The following DIPK1A variants were observed in gnomAD, a reference collection of about 807,000 sequenced individuals.
The protein encoded by DIPK1A is family with sequence similarity 69 member A.
A neutral mutation model predicts 40.8 loss-of-function variants in DIPK1A; 27 were observed. The observed-to-expected ratio is 0.66, with a 90% CI of 0.49 to 0.91. The LOEUF (loss-of-function observed/expected upper bound fraction) is 0.91. DIPK1A is among the 40% of genes least tolerant of loss of function. DIPK1A has a pLI of 0.00. For synonymous variants in DIPK1A, 166 were observed against 171.3 expected (o/e 0.97, Z 0.24); for missense variants, 412 against 505.7 (o/e 0.81, Z 1.78).
chr1:92,959,448 CT>C (rs1012376544), intron 1 of DIPK1A, among the ~76,000 whole-genome samples: 2,642 of 115,456 alleles, frequency 0.023, 24 homozygotes, highest in African/African-American at 0.064. Flanking sequence ...CAGTAAAACA[CT>C]TTTTTTTTTT....
At chr1:92,859,946 C>T (rs539363542) in intron 2 of DIPK1A, among the ~76,000 whole-genome samples, 87 of 152,342 alleles carry the variant, frequency 5.7e-4, no homozygotes, top group African/African-American at 2.0e-3. Flanking sequence ...AGGCAATCTG[C>T]CTGCCTTGGT....
intron 1 of DIPK1A, among the ~76,000 whole-genome samples, chr1:92,915,306 G>A (rs180914587): frequency 5.3e-5 from 8 of 152,190 alleles, no homozygotes; most frequent in South Asian, 2.1e-4. Context: ...ATGTGAGTCC[G>A]TGTATTTAAT....
At chr1:92,919,345 C>A in intron 1 of DIPK1A, among the ~76,000 whole-genome samples, 1 of 152,304 alleles carries the variant, frequency 6.6e-6, no homozygotes, top group East Asian at 1.9e-4. Flanking sequence ...CTCTCACCAC[C>A]GCTTGTATCA....
At chr1:92,845,951 T>G (rs888231939) in intron 4 of DIPK1A, 8 of 152,672 alleles carry the variant, frequency 5.2e-5, no homozygotes, top group Non-Finnish European at 8.8e-5. Flanking sequence ...GCCGAGATCA[T>G]GCCACTGCAC....
intron 2 of DIPK1A, among the ~76,000 whole-genome samples, chr1:92,857,869 C>G (rs549135236): frequency 2.6e-5 from 4 of 152,120 alleles, no homozygotes; most frequent in Non-Finnish European, 5.9e-5. Context: ...GTAACAGAAC[C>G]AGGATTATTT....
intron 1 of DIPK1A, among the ~76,000 whole-genome samples, chr1:92,936,355 T>C (rs541450671): frequency 4.6e-5 from 7 of 152,062 alleles, no homozygotes; most frequent in African/African-American, 7.2e-5. Flanking sequence ...AAACTGGGCA[T>C]GGTGGCTCAC....
chr1:92,868,476 A>G (rs1571073372), intron 2 of DIPK1A, among the ~76,000 whole-genome samples: 1 of 152,092 alleles, frequency 6.6e-6, no homozygotes, highest in Non-Finnish European at 1.5e-5. Context: ...ATTCTCACAC[A>G]ATTGCTTCCT....
At chr1:92,879,576 G>C (rs1042479899) in intron 1 of DIPK1A, among the ~76,000 whole-genome samples, 1 of 152,194 alleles carries the variant, frequency 6.6e-6, no homozygotes, top group African/African-American at 2.4e-5. Flanking sequence ...ATGATAAAAG[G>C]AGTGAGACAC....
intron 3 of DIPK1A, 59 bp from the exon 4 acceptor site, chr1:92,847,418 T>C (rs2100719536): frequency 8.8e-7 from 1 of 1,138,228 alleles, no homozygotes; most frequent in East Asian, 2.7e-5. Flanking sequence ...CTAAAAAATA[T>C]ACTACTATAT....
intron 1 of DIPK1A, among the ~76,000 whole-genome samples, chr1:92,939,376 G>T (rs1651066485): frequency 6.6e-6 from 1 of 151,684 alleles, no homozygotes; most frequent in African/African-American, 2.4e-5. Context: ...GGCCATTTTT[G>T]CATTAGTCTA....
At position 92,843,825 on chromosome 1, in the gene DIPK1A, A is replaced by G. The variant is rs1687480670; in HGVS notation, c.845T>C (p.Val282Ala). The G allele has an allele frequency of 1.9e-6, 3 of 1,551,738 alleles. No homozygotes were observed. Among genetic ancestry groups the G allele is most frequent in the Non-Finnish European group, 2.6e-6 (3 of 1,147,032 alleles). ...AIGLLEFVED[V>A]FHGPYGNFLM... Reference sequence around the variant, plus strand: ...GAAATTTCCGTAGGGGCCATGGAAAACATCTTCCACAAATTCTAGAAGTCC... The same window carrying G: ...GAAATTTCCGTAGGGGCCATGGAAAGCATCTTCCACAAATTCTAGAAGTCC... The change falls in exon 5 of 5, where the codon GTT (valine) becomes GCT (alanine). Residue 282 changes from valine (V) to alanine (A), a missense_variant. Physicochemically the swap from Val to Ala is moderately conservative, Grantham distance 64 (BLOSUM62 0). Transcript: ENST00000370310.
chr1:92,845,447 T>A (rs867799127), intron 4 of DIPK1A: 5 of 305,276 alleles, frequency 1.6e-5, no homozygotes, highest in Middle Eastern at 1.6e-3. Flanking sequence ...GGTGGGCAGA[T>A]AGCTTGAGCT....
At chr1:92,863,591 C>G (rs1246600515) in intron 2 of DIPK1A, among the ~76,000 whole-genome samples, 1 of 124,498 alleles carries the variant, frequency 8.0e-6, no homozygotes, top group South Asian at 2.6e-4. Context: ...AAAAAAAAAC[C>G]CACAAAAATT....
chr1:92,879,531 C>A (rs1038787290), intron 1 of DIPK1A, among the ~76,000 whole-genome samples: 3 of 152,168 alleles, frequency 2.0e-5, no homozygotes, highest in Admixed American at 2.0e-4. Context: ...ATGATGTTCC[C>A]AGCAGGGCAC....
chr1:92,909,375 C>G (rs941513780), intron 1 of DIPK1A, among the ~76,000 whole-genome samples: 1 of 152,024 alleles, frequency 6.6e-6, no homozygotes. Flanking sequence ...AATGAGGTGC[C>G]CAGAAAATAC....
chr1:92,944,546 A>G lies in DIPK1A; in HGVS notation c.54+16830T>C, dbSNP rs1007560560. Among the ~76,000 whole-genome samples, 18 of 152,224 alleles carry G rather than the reference A, an allele frequency of 1.2e-4. No homozygotes were observed. In the East Asian group the frequency reaches 3.3e-3, roughly 28 times the overall value. Reference sequence around the variant, plus strand: ...AGAAGTCAAAGCAGCTGCATCTGCAAATTTTCTGAGAAGATTATTTTTGGC... The same window carrying G: ...AGAAGTCAAAGCAGCTGCATCTGCAGATTTTCTGAGAAGATTATTTTTGGC... On this transcript the variant is annotated intron_variant, in intron 1 of 4. Transcript: ENST00000370310.
At chr1:92,889,716 C>T (rs1408143892) in intron 1 of DIPK1A, among the ~76,000 whole-genome samples, 1 of 151,944 alleles carries the variant, frequency 6.6e-6, no homozygotes, top group East Asian at 1.9e-4. Context: ...GATGTAATCT[C>T]GACCCACTGC....
chr1:92,859,600 G>C (rs753645926), intron 2 of DIPK1A, among the ~76,000 whole-genome samples: 10 of 152,196 alleles, frequency 6.6e-5, no homozygotes, highest in Non-Finnish European at 1.2e-4. Context: ...GCCAATGCTC[G>C]AGGCAGCTAC....
downstream of DIPK1A, chr1:92,837,628 G>A: frequency 6.2e-7 from 1 of 1,611,856 alleles, no homozygotes; most frequent in Admixed American, 1.7e-5. Flanking sequence ...CGTAACTCCA[G>A]ACATGGTAAA....
Sources: allele counts gnomAD v4.1 joint callset (sites outside exome capture counted in the v4.1 genomes callset), GRCh38; gene constraint gnomAD v4.1.1; transcripts MANE v1.5; gene names NCBI Gene and HGNC (gene_info 2026-07-23, HGNC 2026-07-21).